Variants in FNBP1 observed in about 807,000 individuals in gnomAD.
FNBP1 encodes formin binding protein 1.
In FNBP1, 26 loss-of-function variants were observed where a neutral mutation model predicts 90.6. The ratio of observed to expected loss-of-function variants is 0.29; its 90% CI spans 0.21 to 0.40. The LOEUF (loss-of-function observed/expected upper bound fraction) is 0.40. Among genes scored for constraint, FNBP1 ranks in the 10% least tolerant of loss-of-function variants. The pLI, the probability that FNBP1 is intolerant of heterozygous loss-of-function variation, is 1.00. For synonymous variants in FNBP1, 260 were observed against 265.2 expected (o/e 0.98, Z 0.19); for missense variants, 635 against 768.0 (o/e 0.83, Z 2.05).
chr9:129,999,870 A>C (rs1220830140), intron 1 of FNBP1, among the ~76,000 whole-genome samples: 2 of 152,204 alleles, frequency 1.3e-5, no homozygotes, highest in Non-Finnish European at 2.9e-5. Flanking sequence ...AGACAGCTGG[A>C]TTATCATAGA....
chr9:130,023,084 TACCAAAA>T (rs564333228), intron 1 of FNBP1, among the ~76,000 whole-genome samples: 26 of 150,774 alleles, frequency 1.7e-4, no homozygotes, highest in Non-Finnish European at 3.3e-4. Flanking sequence ...TGGTAAAAGG[TACCAAAA>T]AGTGTGACTA....
chr9:129,931,636 A>C (rs890114420), intron 6 of FNBP1, among the ~76,000 whole-genome samples: 1 of 151,392 alleles, frequency 6.6e-6, no homozygotes, highest in African/African-American at 2.4e-5. Flanking sequence ...TAATAAATAA[A>C]TAAATAAATA....
intron 1 of FNBP1, among the ~76,000 whole-genome samples, chr9:130,007,888 C>T (rs544608121): frequency 7.3e-5 from 11 of 151,496 alleles, no homozygotes; most frequent in African/African-American, 2.2e-4. Context: ...TGGTGGCGAG[C>T]GCCTGTAATC....
At chr9:129,907,085 G>GT (rs11431682) in intron 12 of FNBP1, among the ~76,000 whole-genome samples, 119,932 of 147,748 alleles carry the variant, frequency 0.81, 48,721 homozygotes, top group East Asian at 0.89. Context: ...GCCCAAGCAC[G>GT]TTTTTTTTTT....
chr9:130,008,868 C>T (rs1436251912), intron 1 of FNBP1, among the ~76,000 whole-genome samples: 1 of 152,212 alleles, frequency 6.6e-6, no homozygotes, highest in South Asian at 2.1e-4. Flanking sequence ...TTCTCTCCCC[C>T]AGAAAACAAG....
upstream of FNBP1, chr9:130,043,297 G>A: frequency 4.7e-6 from 1 of 210,888 alleles, no homozygotes; most frequent in Non-Finnish European, 9.3e-6. Context: ...CCCCACCCCG[G>A]CCCGGCCCCC....
chr9:130,008,036 A>G (rs1302494763), intron 1 of FNBP1, among the ~76,000 whole-genome samples: 1 of 129,556 alleles, frequency 7.7e-6, no homozygotes, highest in East Asian at 2.0e-4. Flanking sequence ...ACTTTTTTTC[A>G]TTAAAAAAAA....
At chr9:129,897,130 C>T (rs2035911650) in intron 15 of FNBP1, among the ~76,000 whole-genome samples, 1 of 152,204 alleles carries the variant, frequency 6.6e-6, no homozygotes, top group Non-Finnish European at 1.5e-5. Context: ...CCCTAGACCT[C>T]TCTGTCCTCC....
At chr9:129,916,018 G>C (rs550897976) in intron 10 of FNBP1, 38 bp from the exon 11 acceptor site, 8 of 1,469,328 alleles carry the variant, frequency 5.4e-6, no homozygotes, top group African/African-American at 3.0e-5. Context: ...GAAAAATAGA[G>C]AGAAAGAGAG....
chr9:130,026,017 G>A (rs2058307032), intron 1 of FNBP1, among the ~76,000 whole-genome samples: 4 of 152,118 alleles, frequency 2.6e-5, no homozygotes, highest in South Asian at 2.1e-4. Context: ...AGTTTATTTC[G>A]CATATAATCT....
At chr9:130,048,770 G>A in the FNBP1 span, among the ~76,000 whole-genome samples, 4 of 118,036 alleles carry the variant, frequency 3.4e-5, no homozygotes, top group South Asian at 2.7e-4. Flanking sequence ...GAGCCACCGC[G>A]CCCGGCCCAG....
Position 129,887,832 on chromosome 9 carries a change from G to A in FNBP1, c.*2707C>T, listed in dbSNP as rs376119698. 14 of 230,732 alleles carry A rather than the reference G, an allele frequency of 6.1e-5. No homozygotes were observed. The highest frequency in any genetic ancestry group is 2.9e-4 in the African/African-American group (13 of 45,164). The allele number at this position is 230,732 out of a possible 1,614,324, so 14.3% of individuals were successfully genotyped here. A position where few individuals can be genotyped will look rare whatever the true frequency, so the allele number is the denominator to read the frequency against. ...CTAGCACGGTGGCGAAGTGACAGGC[G>A]GCAGATACGGGGGAGGAAGGAGACG... On this transcript the variant is annotated 3_prime_UTR_variant, in exon 17 of 17. Coordinates refer to ENST00000446176, the MANE Select transcript of FNBP1 (RefSeq NM_015033.3).
intron 12 of FNBP1, among the ~76,000 whole-genome samples, chr9:129,904,000 G>A (rs1287540767): frequency 1.3e-5 from 2 of 152,264 alleles, no homozygotes; most frequent in East Asian, 3.9e-4. Context: ...TCACGCCACT[G>A]CACTCCAGCC....
intron 4 of FNBP1, among the ~76,000 whole-genome samples, chr9:129,970,662 C>T (rs2049314901): frequency 6.6e-6 from 1 of 152,116 alleles, no homozygotes; most frequent in African/African-American, 2.4e-5. Context: ...GCCACTGATT[C>T]CATTATGTCT....
At chr9:130,043,210 G>A (rs1340336695), upstream of FNBP1, 3 of 354,112 alleles carry the variant, frequency 8.5e-6, no homozygotes, top group Non-Finnish European at 1.5e-5. Context: ...GCGCCCGCCC[G>A]CCCTACACCC....
chr9:129,895,811 T>TA (rs2035619340), intron 16 of FNBP1, 27 bp downstream of exon 16: 1 of 1,513,044 alleles, frequency 6.6e-7, no homozygotes. Context: ...TTTTTTTTTT[T>TA]ATGGTATTAA....
chr9:130,047,381 G>A (rs1168366466), upstream of FNBP1, among the ~76,000 whole-genome samples: 1 of 152,136 alleles, frequency 6.6e-6, no homozygotes, highest in Non-Finnish European at 1.5e-5. Flanking sequence ...TTGGGAGGCC[G>A]AGGAGGATGG....
At chr9:129,899,077 C>T (rs1437363375) in intron 15 of FNBP1, among the ~76,000 whole-genome samples, 1 of 151,304 alleles carries the variant, frequency 6.6e-6, no homozygotes, top group African/African-American at 2.4e-5. Context: ...GCTGCTGCTG[C>T]AGCTTTTTTT....
intron 1 of FNBP1, among the ~76,000 whole-genome samples, chr9:130,002,685 T>A (rs2055043668): frequency 6.6e-6 from 1 of 152,178 alleles, no homozygotes. Context: ...TCTTTATTAA[T>A]TACCTAGCCT....
Sources: gnomAD v4.1 joint callset for allele counts (sites outside exome capture counted in the v4.1 genomes callset) on GRCh38, gnomAD v4.1.1 for gene constraint, MANE v1.5 for transcripts, NCBI Gene and HGNC (gene_info 2026-07-23, HGNC 2026-07-21) for gene names.